The following LGR4 variants were observed in gnomAD, a reference collection of about 807,000 sequenced individuals.
LGR4 encodes leucine-rich repeat-containing G protein-coupled receptor 4.
Under a neutral mutation model 84.8 loss-of-function variants are expected in LGR4, and 44 were observed. The ratio of observed to expected loss-of-function variants is 0.52; its 90% CI spans 0.41 to 0.67. The LOEUF (loss-of-function observed/expected upper bound fraction) is 0.67, where lower values mean the gene tolerates loss of function less well. Among genes scored for constraint, LGR4 ranks in the 30% least tolerant of loss-of-function variants. LGR4 has a pLI of 0.00. For synonymous variants in LGR4, 429 were observed against 434.3 expected (o/e 0.99, Z 0.15); for missense variants, 1,032 against 1,131.4 (o/e 0.91, Z 1.26).
rs777720513 is a variant in LGR4, at chr11:27,380,347, A to G, written c.903-8T>C. The G allele has an allele frequency of 6.3e-7, 1 of 1,597,946 alleles. No homozygotes were observed. The highest frequency in any genetic ancestry group is 8.5e-7 in the Non-Finnish European group (1 of 1,170,872). On this transcript the variant is annotated splice_region_variant and splice_polypyrimidine_tract_variant and intron_variant, in intron 9 of 17. Coordinates refer to ENST00000379214, the MANE Select transcript of LGR4 (RefSeq NM_018490.5). ...CTTGCACCACGAATGACTCTTTATG[A>G]AATTGAGAAAGACAAGGTAATTTTT...
rs1261293019 is a variant in LGR4 at position 27,472,323 on chromosome 11, C to T, written c.-21G>A. The T allele has an allele frequency of 6.7e-6, 8 of 1,196,314 alleles. No homozygotes were observed. Among genetic ancestry groups the T allele is most frequent in the Non-Finnish European group, 8.3e-6 (8 of 965,386 alleles). The allele number at this position is 1,196,314 out of a possible 1,614,324, so 74.1% of individuals were successfully genotyped here. A position where few individuals can be genotyped will look rare whatever the true frequency, so the allele number is the denominator to read the frequency against. Reference sequence around the variant, plus strand: ...GGCATTGCTGCGGCCGCCTCCCGCGCCGGCCTCTCCCGCGGCGCTGCTCGC... The same window carrying T: ...GGCATTGCTGCGGCCGCCTCCCGCGTCGGCCTCTCCCGCGGCGCTGCTCGC... On this transcript the variant is annotated 5_prime_UTR_variant, in exon 1 of 18. Coordinates refer to ENST00000379214, the MANE Select transcript of LGR4 (RefSeq NM_018490.5).
intron 2 of LGR4, among the ~76,000 whole-genome samples, chr11:27,407,034 T>C (rs1366379148): frequency 1.3e-5 from 2 of 152,164 alleles, no homozygotes; most frequent in Non-Finnish European, 2.9e-5. Context: ...TGGTAAGATA[T>C]AGAAGAGATG....
In LGR4 at chr11:27,384,357, C is replaced by T. The variant is rs1565074068; in HGVS notation, c.668G>A (p.Gly223Glu). 1 of 1,608,030 alleles carries T rather than the reference C, an allele frequency of 6.2e-7. No homozygotes were observed. The highest frequency in any genetic ancestry group is 1.1e-5 in the South Asian group (1 of 90,868). ...IRSLSQHCFDGLDNLETLDLN... is the reference protein window; with the variant it reads ...IRSLSQHCFDELDNLETLDLN... ...TTACAAGGTCTCCAGGTTATCTAGT[C>T]CATCAAAACAGTGTTGACTCAGGCT... Residue 223 changes from glycine to glutamate, a missense_variant, in exon 6 of 18, where the codon GGA becomes GAA. Coordinates refer to ENST00000379214, the MANE Select transcript of LGR4 (RefSeq NM_018490.5).
At chr11:27,416,515 C>G (rs1863822932) in intron 1 of LGR4, among the ~76,000 whole-genome samples, 1 of 152,104 alleles carries the variant, frequency 6.6e-6, no homozygotes. Context: ...GGACCAAGAC[C>G]AGACTAAAAG....
At chr11:27,470,676 CTT>C (rs199898621) in intron 1 of LGR4, among the ~76,000 whole-genome samples, 3 of 139,306 alleles carry the variant, frequency 2.2e-5, no homozygotes, top group Non-Finnish European at 4.6e-5. Context: ...GCAAAGTTAA[CTT>C]TTTTTTTTAA....
intron 1 of LGR4, among the ~76,000 whole-genome samples, chr11:27,447,936 T>G (rs1003671363): frequency 6.6e-6 from 1 of 152,196 alleles, no homozygotes; most frequent in African/African-American, 2.4e-5. Flanking sequence ...CATGTTATAT[T>G]TAATATACTT....
intron 2 of LGR4, among the ~76,000 whole-genome samples, chr11:27,398,675 CT>C: frequency 1.3e-5 from 2 of 152,266 alleles, no homozygotes; most frequent in East Asian, 3.9e-4. Flanking sequence ...GGCAATTTCC[CT>C]TTCCCCTTAT....
At position 27,385,239 on chromosome 11, in the gene LGR4, G is replaced by T; in HGVS notation, c.617+14C>A. On this transcript the variant is annotated intron_variant, in intron 5 of 17. Transcript: ENST00000379214. Reference sequence around the variant, plus strand: ...TAACACAAATATATGGAATTAAAAGGGATAGATACTTACAGAACTACCAGG... The same window carrying T: ...TAACACAAATATATGGAATTAAAAGTGATAGATACTTACAGAACTACCAGG... 6.7e-7 allele frequency: 1 copy of T among 1,500,616 alleles called. No homozygotes were observed. The highest frequency in any genetic ancestry group is 1.3e-5 in the South Asian group (1 of 76,862). The allele number at this position is 1,500,616 out of a possible 1,614,324, so 93.0% of individuals were successfully genotyped here. A position where few individuals can be genotyped will look rare whatever the true frequency, so the allele number is the denominator to read the frequency against.
At chr11:27,448,890 A>T (rs774313412) in intron 1 of LGR4, among the ~76,000 whole-genome samples, 1 of 152,194 alleles carries the variant, frequency 6.6e-6, no homozygotes, top group Non-Finnish European at 1.5e-5. Flanking sequence ...GACTACCAAC[A>T]AATGCCTTTC....
rs774487983 is a variant in LGR4, at chr11:27,367,818, A to G, written c.*49T>C. On this transcript the variant is annotated 3_prime_UTR_variant, in exon 18 of 18. Transcript: ENST00000379214. ...GAAAGATGAGAATAGGGTTCACTCT[A>G]TAAACACTGATTTTGGTTGACGGGG... 3.2e-5 allele frequency: 44 copies of G among 1,383,640 alleles called. No individual in the cohort carries two copies. The highest frequency in any genetic ancestry group is 3.9e-5 in the Non-Finnish European group (39 of 1,010,920). The allele number at this position is 1,383,640 out of a possible 1,614,324, so 85.7% of individuals were successfully genotyped here. A position where few individuals can be genotyped will look rare whatever the true frequency, so the allele number is the denominator to read the frequency against.
At chr11:27,385,559 AG>A (rs1863172976) in intron 4 of LGR4, 91 bp from the exon 5 acceptor site, 2 of 753,808 alleles carry the variant, frequency 2.7e-6, no homozygotes, top group Non-Finnish European at 4.2e-6. Context: ...CAAAACAAAA[AG>A]GACTTATAAA....
intron 17 of LGR4, among the ~76,000 whole-genome samples, chr11:27,369,917 C>T (rs907469180): frequency 6.6e-6 from 1 of 152,146 alleles, no homozygotes; most frequent in African/African-American, 2.4e-5. Context: ...TAGGACTACA[C>T]CTCGGTGATG....
intron 1 of LGR4, among the ~76,000 whole-genome samples, chr11:27,459,221 T>A (rs1188189573): frequency 6.6e-6 from 1 of 152,198 alleles, no homozygotes; most frequent in Non-Finnish European, 1.5e-5. Context: ...GATAAAATAA[T>A]CAACAGGAGC....
At chr11:27,373,711 A>G in intron 14 of LGR4, 35 bp from the exon 15 acceptor site, 1 of 1,520,302 alleles carries the variant, frequency 6.6e-7, no homozygotes, top group Non-Finnish European at 8.9e-7. Flanking sequence ...TTAATGCCCA[A>G]TATATAAATC....
chr11:27,453,454 T>A (rs1477966064), intron 1 of LGR4, among the ~76,000 whole-genome samples: 2 of 152,236 alleles, frequency 1.3e-5, no homozygotes, highest in Non-Finnish European at 2.9e-5. Flanking sequence ...AATATCTAAA[T>A]TTCATTCCAG....
chr11:27,416,941 GATCCCTGTAAA>G (rs1016296891), intron 1 of LGR4, among the ~76,000 whole-genome samples: 2 of 152,080 alleles, frequency 1.3e-5, no homozygotes, highest in African/African-American at 4.8e-5. Context: ...TACCTTTTAA[GATCCCTGTAAA>G]ATGATCCCTA....
intron 1 of LGR4, among the ~76,000 whole-genome samples, chr11:27,461,836 A>ATTTTT (rs35205372): frequency 9.4e-4 from 72 of 76,570 alleles, no homozygotes; most frequent in East Asian, 1.3e-3. Context: ...TTGAGTTAGG[A>ATTTTT]TTTTTTTTTT....
intron 1 of LGR4, among the ~76,000 whole-genome samples, chr11:27,415,557 A>G (rs1863800554): frequency 6.6e-6 from 1 of 152,164 alleles, no homozygotes; most frequent in South Asian, 2.1e-4. Context: ...CATATTTACA[A>G]ACTAACATAT....
intron 1 of LGR4, among the ~76,000 whole-genome samples, chr11:27,462,712 G>C (rs769888081): frequency 6.6e-6 from 1 of 152,044 alleles, no homozygotes; most frequent in African/African-American, 2.4e-5. Flanking sequence ...ACTCAAAAAA[G>C]TCATGCTGAA....
Sources: allele counts gnomAD v4.1 joint callset (sites outside exome capture counted in the v4.1 genomes callset), GRCh38; gene constraint gnomAD v4.1.1; transcripts MANE v1.5; gene names NCBI Gene and HGNC (gene_info 2026-07-23, HGNC 2026-07-21).